Variants in GPER1 observed in about 807,000 individuals in gnomAD.
GPER1 encodes the protein G protein-coupled receptor 30.
Under a neutral mutation model 0.6 loss-of-function variants are expected in GPER1, and 2 were observed. The observed-to-expected ratio is 3.41, with a 90% CI of 1.39 to 10.72. The LOEUF (loss-of-function observed/expected upper bound fraction) is 10.72. Among genes scored for constraint, GPER1 ranks in the 30% most tolerant of loss-of-function variants. The probability of loss-of-function intolerance (pLI) is 0.04; values close to 1 mark genes in which losing one functional copy is unlikely to be tolerated. For missense variants in GPER1, 441 were observed against 535.2 expected (o/e 0.82, Z 1.74); for synonymous variants, 263 against 247.6 (o/e 1.06, Z -0.58).
chr7:1,093,420 C>G lies in GPER1; in HGVS notation c.*564C>G, dbSNP rs555778461. 2.4e-4 allele frequency: 112 copies of G among 461,442 alleles called. No homozygotes were observed. Among genetic ancestry groups the G allele is most frequent in the Non-Finnish European group, 2.8e-4 (62 of 220,802 alleles). The allele number at this position is 461,442 out of a possible 1,614,324, so 28.6% of individuals were successfully genotyped here. A position where few individuals can be genotyped will look rare whatever the true frequency, so the allele number is the denominator to read the frequency against. On this transcript the variant is annotated 3_prime_UTR_variant, in exon 2 of 2. Coordinates refer to ENST00000397088, the MANE Select transcript of GPER1 (RefSeq NM_001098201.3). ...AAGGAAAACATGCTGCTCTGGTGCACGCCTGAGCGTCCTCCATCTTCCAGG... is the reference window on the plus strand; with the variant it reads ...AAGGAAAACATGCTGCTCTGGTGCAGGCCTGAGCGTCCTCCATCTTCCAGG...
Position 1,092,296 on chromosome 7 carries a change from C to T in GPER1, c.568C>T (p.Leu190=), listed in dbSNP as rs1788075266. 1.2e-6 allele frequency: 2 copies of T among 1,611,910 alleles called. No individual in the cohort carries two copies. Among genetic ancestry groups the T allele is most frequent in the East Asian group, 2.2e-5 (1 of 44,872 alleles). The part of the protein sequence containing the change: ...LIWMASVSAT[L]VPFTAVHLQH... ...CTGGATGGCATCCGTGTCAGCCACG[C>T]TGGTGCCCTTCACCGCCGTGCACCT... Residue 190 remains leucine (L), a synonymous_variant, in exon 2 of 2, where the codon CTG becomes TTG. Coordinates refer to ENST00000397088, the MANE Select transcript of GPER1 (RefSeq NM_001098201.3).
rs371278172 is a variant in GPER1, at chr7:1,092,464, C to T, written c.736C>T (p.Arg246Trp). 6 of 1,607,910 alleles carry T rather than the reference C, an allele frequency of 3.7e-6. No homozygotes were observed. Among genetic ancestry groups the T allele is most frequent in the Admixed American group, 1.7e-5 (1 of 59,936 alleles). The change falls in exon 2 of 2, where the codon CGG (arginine) becomes TGG (tryptophan). Residue 246 changes from arginine (R) to tryptophan (W), a missense_variant. Arg to Trp is a moderately radical substitution (Grantham distance 101, BLOSUM62 -3). Coordinates refer to ENST00000397088, the MANE Select transcript of GPER1 (RefSeq NM_001098201.3). ...TGTCCGGGTGCTGGTCAGGGCGCACCGGCACCGTGGGCTGCGGCCCCGGCG... is the reference window on the plus strand; with the variant it reads ...TGTCCGGGTGCTGGTCAGGGCGCACTGGCACCGTGGGCTGCGGCCCCGGCG... ...LIVRVLVRAHRHRGLRPRRQK... is the reference protein window; with the variant it reads ...LIVRVLVRAHWHRGLRPRRQK...
At chr7:1,090,704 GAT>G (rs1787886166) in intron 1 of GPER1, among the ~76,000 whole-genome samples, 1 of 152,262 alleles carries the variant, frequency 6.6e-6, no homozygotes, top group Non-Finnish European at 1.5e-5. Context: ...CTCTGCAGAG[GAT>G]AAGCTCGGGA....
chr7:1,090,275 C>T (rs1394758420), intron 1 of GPER1, among the ~76,000 whole-genome samples: 1 of 152,188 alleles, frequency 6.6e-6, no homozygotes, highest in Admixed American at 6.5e-5. Context: ...CCCACCAGCA[C>T]CCCCCTGTGA....
rs769056476 is a variant in GPER1 at position 1,091,759 on chromosome 7, G to GA, written c.31_32insA (p.Gly11GlufsTer38). On this transcript the variant is annotated frameshift_variant, in exon 2 of 2. Coordinates refer to ENST00000397088, the MANE Select transcript of GPER1 (RefSeq NM_001098201.3). LOFTEE classifies it low-confidence loss of function (END_TRUNC). The stretch of plus-strand genomic sequence containing the variant: ...TGTGACTTCCCAAGCCCGGGGCGTG[G>GA]GCCTGGAGATGTACCCAGGCACCGC... 6.5e-7 allele frequency: 1 copy of GA among 1,548,592 alleles called. No individual in the cohort carries two copies. Among genetic ancestry groups the GA allele is most frequent in the Non-Finnish European group, 8.7e-7 (1 of 1,145,870 alleles).
Position 1,092,865 on chromosome 7 carries a change from G to T in GPER1, c.*9G>T, listed in dbSNP as rs1262586819. On this transcript the variant is annotated 3_prime_UTR_variant, in exon 2 of 2. Coordinates refer to ENST00000397088, the MANE Select transcript of GPER1 (RefSeq NM_001098201.3). The stretch of plus-strand genomic sequence containing the variant: ...TCAGCAGTGCCGTGTAGACAGCCTT[G>T]GCCGCATAGGCCCAGCCAGGGTGTG... 6.2e-7 allele frequency: 1 copy of T among 1,609,540 alleles called. No individual in the cohort carries two copies. Among genetic ancestry groups the T allele is most frequent in the Non-Finnish European group, 8.5e-7 (1 of 1,177,684 alleles).
In GPER1 at chr7:1,093,003, C is replaced by A; in HGVS notation, c.*147C>A. The A allele has an allele frequency of 1.3e-6, 1 of 770,024 alleles. No homozygotes were observed. Among genetic ancestry groups the A allele is most frequent in the Non-Finnish European group, 2.3e-6 (1 of 434,442 alleles). 47.7% of individuals were successfully genotyped at this position (770,024 alleles called of 1,614,324 possible). ...GGGGCCTCGCGAGGGTCACGCTTGC[C>A]TGGTCACCCTGGGGCTGCTTAGGAA... On this transcript the variant is annotated 3_prime_UTR_variant, in exon 2 of 2. Coordinates refer to ENST00000397088, the MANE Select transcript of GPER1 (RefSeq NM_001098201.3).
intron 1 of GPER1, among the ~76,000 whole-genome samples, chr7:1,089,362 C>T (rs1248227755): frequency 6.6e-6 from 1 of 152,170 alleles, no homozygotes; most frequent in Non-Finnish European, 1.5e-5. Context: ...TCTTCCCCAC[C>T]CGCCTGTTTT....
chr7:1,090,819 T>G (rs1044878412), intron 1 of GPER1, among the ~76,000 whole-genome samples: 1 of 152,256 alleles, frequency 6.6e-6, no homozygotes, highest in African/African-American at 2.4e-5. Context: ...AACGTACATA[T>G]TATTTCCCAA....
At position 1,093,551 on chromosome 7, in the gene GPER1, G is replaced by A. The variant is rs190336298; in HGVS notation, c.*695G>A. The A allele has an allele frequency of 2.8e-4, 134 of 471,056 alleles. No individual in the cohort carries two copies. Among genetic ancestry groups the A allele is most frequent in the Admixed American group, 4.7e-4 (20 of 42,588 alleles). The allele number at this position is 471,056 out of a possible 1,614,324, so 29.2% of individuals were successfully genotyped here. ...CTGTGGAGCGCCCGCCGTCTGCTCC[G>A]GGGTGGTTCAGTCACTGCTTGTTGA... On this transcript the variant is annotated 3_prime_UTR_variant, in exon 2 of 2. Coordinates refer to ENST00000397088, the MANE Select transcript of GPER1 (RefSeq NM_001098201.3).
chr7:1,090,571 G>A (rs1044362309), intron 1 of GPER1, among the ~76,000 whole-genome samples: 7 of 149,184 alleles, frequency 4.7e-5, no homozygotes, highest in Middle Eastern at 3.4e-3. Context: ...GGGGTGACAC[G>A]GGGCGGGTGA....
At chr7:1,090,542 A>C (rs370649417) in intron 1 of GPER1, among the ~76,000 whole-genome samples, 12 of 105,362 alleles carry the variant, frequency 1.1e-4, no homozygotes, top group East Asian at 2.8e-4. Flanking sequence ...ATGGGACCCT[A>C]CCCACTGGCG....
At chr7:1,091,254 A>C (rs979885478) in intron 1 of GPER1, among the ~76,000 whole-genome samples, 153 bp from the exon 2 acceptor site, 16 of 152,178 alleles carry the variant, frequency 1.1e-4, no homozygotes, top group African/African-American at 3.9e-4. Flanking sequence ...GCTCAACCAC[A>C]GCCACCTCCC....
chr7:1,091,833 C>G lies in GPER1; in HGVS notation c.105C>G (p.His35Gln), dbSNP rs757042408. ...CCTCCCCCGAGCTCAACCTGTCCCA[C>G]CCGCTCCTGGGCACCGCCCTGGCCA... ...NTTSPELNLS[H>Q]PLLGTALANG... The change falls in exon 2 of 2, where the codon CAC (histidine) becomes CAG (glutamine). Residue 35 changes from histidine (H) to glutamine (Q), a missense_variant. By Grantham distance (24) the His-to-Gln change is conservative. Transcript: ENST00000397088. 6.2e-7 allele frequency: 1 copy of G among 1,607,764 alleles called. No individual in the cohort carries two copies. The highest frequency in any genetic ancestry group is 8.5e-7 in the Non-Finnish European group (1 of 1,175,370).
rs960305567 is a variant in GPER1 at position 1,091,554 on chromosome 7, A to C, written c.-175A>C. ...AGCATCTGTTCTTCCCACTCTCTGC[A>C]GTTAACAAACCCAACCCAAACCACC... On this transcript the variant is annotated 5_prime_UTR_variant, in exon 2 of 2. Transcript: ENST00000397088. 1 of 613,286 alleles carries C rather than the reference A, an allele frequency of 1.6e-6. No individual in the cohort carries two copies. The highest frequency in any genetic ancestry group is 1.8e-5 in the African/African-American group (1 of 54,310). The allele number at this position is 613,286 out of a possible 1,614,324, so 38.0% of individuals were successfully genotyped here.
chr7:1,092,748 G>C lies in GPER1; in HGVS notation c.1020G>C (p.Glu340Asp). The change falls in exon 2 of 2, where the codon GAG (glutamate) becomes GAC (aspartate). Residue 340 changes from glutamate (E) to aspartate (D), a missense_variant. By Grantham distance (45) the Glu-to-Asp change is conservative. Transcript: ENST00000397088. The stretch of plus-strand genomic sequence containing the variant: ...GGGACAAGCTGAGGCTGTACATTGA[G>C]CAGAAAACAAATTTGCCGGCCCTGA... ...TFRDKLRLYI[E>D]QKTNLPALNR... is the part of the protein sequence containing the mutation. 6.2e-7 allele frequency: 1 copy of C among 1,613,668 alleles called. No individual in the cohort carries two copies. The highest frequency in any genetic ancestry group is 1.7e-5 in the Admixed American group (1 of 60,024).
Position 1,093,683 on chromosome 7 carries a change from T to C in GPER1, c.*827T>C, listed in dbSNP as rs145647632. The C allele has an allele frequency of 2.5e-3, 1,174 of 469,694 alleles. 13 individuals are homozygous for C. Among genetic ancestry groups the C allele is most frequent in the African/African-American group, 0.021 (1,071 of 50,186 alleles). 29.1% of individuals were successfully genotyped at this position (469,694 alleles called of 1,614,324 possible). A position where few individuals can be genotyped will look rare whatever the true frequency, so the allele number is the denominator to read the frequency against. On this transcript the variant is annotated 3_prime_UTR_variant, in exon 2 of 2. Transcript: ENST00000397088. ...TACTCCAGCACCTGTGGCTGACGAA[T>C]TTGTTTCTACAGAAATAACAGCTGG...
rs1172782428 is a variant in GPER1 at position 1,093,440 on chromosome 7, T to TC, written c.*586dup. On this transcript the variant is annotated 3_prime_UTR_variant, in exon 2 of 2. Coordinates refer to ENST00000397088, the MANE Select transcript of GPER1 (RefSeq NM_001098201.3). ...GTGCACGCCTGAGCGTCCTCCATCTTCCAGGATGGCAGCAATGGCGCTGTG... is the reference window on the plus strand; with the variant it reads ...GTGCACGCCTGAGCGTCCTCCATCTTCCCAGGATGGCAGCAATGGCGCTGTG... 4.3e-6 allele frequency: 2 copies of TC among 464,326 alleles called. No homozygotes were observed. Among genetic ancestry groups the TC allele is most frequent in the Non-Finnish European group, 9.0e-6 (2 of 222,582 alleles). The allele number at this position is 464,326 out of a possible 1,614,324, so 28.8% of individuals were successfully genotyped here.
intron 1 of GPER1, 102 bp from the exon 2 acceptor site, chr7:1,091,305 T>G (rs1787952190): frequency 6.1e-6 from 1 of 164,724 alleles, no homozygotes; most frequent in South Asian, 1.9e-4. Flanking sequence ...CCAGTGCTCC[T>G]GACACACCCA....
Sources: gnomAD v4.1 joint callset for allele counts (sites outside exome capture counted in the v4.1 genomes callset) on GRCh38, gnomAD v4.1.1 for gene constraint, MANE v1.5 for transcripts, NCBI Gene and HGNC (gene_info 2026-07-23, HGNC 2026-07-21) for gene names.